SNTG1: variants seen among roughly 807,000 people sequenced by gnomAD.
The protein encoded by SNTG1 is gamma-1-syntrophin.
Under a neutral mutation model 74.7 loss-of-function variants are expected in SNTG1, and 39 were observed. The observed-to-expected ratio is 0.52, with a 90% CI of 0.40 to 0.68. The LOEUF (loss-of-function observed/expected upper bound fraction) is 0.68, where lower values mean the gene tolerates loss of function less well. SNTG1 is among the 30% of genes least tolerant of loss of function. The pLI, the probability that SNTG1 is intolerant of heterozygous loss-of-function variation, is 0.00. For missense variants in SNTG1, 685 were observed against 609.5 expected (o/e 1.12, Z -1.30); for synonymous variants, 254 against 217.1 (o/e 1.17, Z -1.49).
chr8:50,734,888 T>TAG, intron 17 of SNTG1, among the ~76,000 whole-genome samples: 1 of 139,338 alleles, frequency 7.2e-6, no homozygotes. Context: ...TATATATCTA[T>TAG]ATATATGGAC....
At chr8:50,325,078 G>A (rs2090690838) in intron 2 of SNTG1, among the ~76,000 whole-genome samples, 1 of 147,594 alleles carries the variant, frequency 6.8e-6, no homozygotes, top group South Asian at 2.1e-4. Flanking sequence ...CCAAATATAT[G>A]CATATATACA....
At chr8:50,105,986 T>C (rs1208757427) in intron 1 of SNTG1, among the ~76,000 whole-genome samples, 1 of 152,120 alleles carries the variant, frequency 6.6e-6, no homozygotes, top group Non-Finnish European at 1.5e-5. Context: ...ACAAAAATAG[T>C]TTGACTTACT....
At chr8:50,130,046 T>C (rs1258745141) in intron 1 of SNTG1, among the ~76,000 whole-genome samples, 2 of 152,130 alleles carry the variant, frequency 1.3e-5, no homozygotes, top group Non-Finnish European at 2.9e-5. Flanking sequence ...AATGTTCATG[T>C]GAATGTGAAA....
chr8:50,066,468 T>G (rs2130971553), intron 1 of SNTG1, among the ~76,000 whole-genome samples: 1 of 152,280 alleles, frequency 6.6e-6, no homozygotes, highest in South Asian at 2.1e-4. Flanking sequence ...TTTCTGGAAA[T>G]ACTGTCAATA....
At chr8:50,101,324 G>A (rs988221358) in intron 1 of SNTG1, among the ~76,000 whole-genome samples, 1 of 152,052 alleles carries the variant, frequency 6.6e-6, no homozygotes, top group Non-Finnish European at 1.5e-5. Context: ...TGAAATGGTA[G>A]TCCTGTTTTA....
intron 15 of SNTG1, 86 bp from the exon 16 acceptor site, chr8:50,704,514 T>C: frequency 6.4e-7 from 1 of 1,553,452 alleles, no homozygotes; most frequent in Non-Finnish European, 8.9e-7. Flanking sequence ...TACCTGTGGC[T>C]TCTGCACCTT....
At chr8:50,500,151 C>T (rs1480626723) in intron 8 of SNTG1, among the ~76,000 whole-genome samples, 10 of 142,030 alleles carry the variant, frequency 7.0e-5, no homozygotes, top group Admixed American at 7.1e-5. Context: ...TCTTTCAGTC[C>T]CTCTTCTTTC....
intron 1 of SNTG1, among the ~76,000 whole-genome samples, chr8:50,063,922 A>G (rs1422645336): frequency 6.6e-6 from 1 of 152,206 alleles, no homozygotes; most frequent in Non-Finnish European, 1.5e-5. Flanking sequence ...AACGTGTGTT[A>G]TAGGATGAGG....
intron 1 of SNTG1, among the ~76,000 whole-genome samples, chr8:49,941,551 A>G (rs1169805929): frequency 2.7e-5 from 4 of 149,156 alleles, no homozygotes; most frequent in African/African-American, 7.4e-5. Flanking sequence ...ATATATATGC[A>G]TATTTGAAAT....
intron 2 of SNTG1, among the ~76,000 whole-genome samples, chr8:50,183,985 G>A (rs918546856): frequency 6.6e-6 from 1 of 152,226 alleles, no homozygotes; most frequent in Non-Finnish European, 1.5e-5. Context: ...TGAAGGAAAT[G>A]TATATGCTCC....
chr8:50,556,594 T>A lies in SNTG1; in HGVS notation c.810+3415T>A, dbSNP rs111772909. ...CAATTTTTATTTCCATGATCATTTC[T>A]TATTAAATAATTGAAGACTTTAAAA... On this transcript the variant is annotated intron_variant, in intron 12 of 18. Transcript: ENST00000642720. 5.4e-3 allele frequency among the ~76,000 whole-genome samples: 823 copies of A among 152,368 alleles called. 7 individuals carry two copies. Among genetic ancestry groups the A allele is most frequent in the African/African-American group, 0.018 (768 of 41,590 alleles).
intron 1 of SNTG1, among the ~76,000 whole-genome samples, chr8:50,114,369 C>T (rs149936): frequency 0.87 from 131,871 of 152,160 alleles, 57,284 homozygotes; most frequent in East Asian, 0.99. Context: ...ATCCTGCTAT[C>T]TGTGACAATA....
intron 1 of SNTG1, among the ~76,000 whole-genome samples, chr8:50,144,748 G>T (rs1309164690): frequency 1.3e-5 from 2 of 152,202 alleles, no homozygotes; most frequent in Non-Finnish European, 2.9e-5. Context: ...GAGTTGAGCA[G>T]TGGGTGGATA....
chr8:50,236,372 C>CTT (rs1563779155), intron 2 of SNTG1, among the ~76,000 whole-genome samples: 1 of 151,748 alleles, frequency 6.6e-6, no homozygotes, highest in African/African-American at 2.4e-5. Flanking sequence ...GGTATGATTC[C>CTT]GGTGCATCAT....
chr8:50,104,760 G>T (rs996166292), intron 1 of SNTG1, among the ~76,000 whole-genome samples: 1 of 152,228 alleles, frequency 6.6e-6, no homozygotes, highest in South Asian at 2.1e-4. Context: ...CTGGTATGTT[G>T]TGTCTTTGTT....
chr8:50,037,716 C>T (rs903698247), intron 1 of SNTG1, among the ~76,000 whole-genome samples: 1 of 152,182 alleles, frequency 6.6e-6, no homozygotes, highest in East Asian at 1.9e-4. Context: ...TGTCAAGTTA[C>T]AAACATTGGG....
chr8:49,967,466 C>A (rs1811249588), intron 1 of SNTG1, among the ~76,000 whole-genome samples: 1 of 152,148 alleles, frequency 6.6e-6, no homozygotes, highest in Admixed American at 6.5e-5. Context: ...TTGCTCATTG[C>A]ACATACGTGG....
intron 2 of SNTG1, among the ~76,000 whole-genome samples, chr8:50,218,808 C>T (rs563209885): frequency 3.4e-4 from 51 of 152,234 alleles, no homozygotes; most frequent in African/African-American, 9.4e-4. Context: ...TACAAATATC[C>T]TCTTTATGTA....
At chr8:50,376,147 C>T (rs961124630) in intron 2 of SNTG1, among the ~76,000 whole-genome samples, 4 of 152,136 alleles carry the variant, frequency 2.6e-5, no homozygotes, top group Non-Finnish European at 5.9e-5. Context: ...AAAGAGCTTT[C>T]CTGCGTCTGC....
Sources: gnomAD v4.1 joint callset for allele counts (sites outside exome capture counted in the v4.1 genomes callset) on GRCh38, gnomAD v4.1.1 for gene constraint, MANE v1.5 for transcripts, NCBI Gene and HGNC (gene_info 2026-07-23, HGNC 2026-07-21) for gene names.